The following URI1 variants were observed in gnomAD, a reference collection of about 807,000 sequenced individuals.
URI1 encodes unconventional prefoldin RPB5 interactor 1.
Under a neutral mutation model 60.2 loss-of-function variants are expected in URI1, and 39 were observed. The ratio of observed to expected loss-of-function variants is 0.65; its 90% CI spans 0.50 to 0.85. The LOEUF is 0.85. Among genes scored for constraint, URI1 ranks in the 40% least tolerant of loss-of-function variants. The pLI is 0.00. For missense variants in URI1, 691 were observed against 665.9 expected (o/e 1.04, Z -0.42); for synonymous variants, 251 against 236.8 (o/e 1.06, Z -0.55).
At chr19:29,974,925 T>C (rs2055502174) in intron 2 of URI1, among the ~76,000 whole-genome samples, 1 of 152,216 alleles carries the variant, frequency 6.6e-6, no homozygotes, top group Non-Finnish European at 1.5e-5. Context: ...TTCTTTTTTA[T>C]GGGTGTGTAG....
rs550005338 is a variant in URI1, at chr19:29,983,495, C to T, written c.153-1728C>T. ...CTGTGATGTTTGTCATTTATATTAT[C>T]TGGAGAGTTGTTACCTACATTGCAG... On this transcript the variant is annotated intron_variant, in intron 2 of 10. Transcript: ENST00000392271. 2.0e-5 allele frequency among the ~76,000 whole-genome samples: 3 copies of T among 152,210 alleles called. No individual in the cohort carries two copies. In the South Asian group the frequency reaches 6.2e-4, roughly 32 times the overall value.
intron 4 of URI1, chr19:30,004,169 G>T (rs539087986): frequency 6.6e-6 from 1 of 152,142 alleles, no homozygotes; most frequent in East Asian, 1.9e-4. Context: ...ATGATCTAGA[G>T]CGACATCAGG....
At chr19:29,959,336 C>T (rs2055292316) in intron 1 of URI1, among the ~76,000 whole-genome samples, 1 of 152,120 alleles carries the variant, frequency 6.6e-6, no homozygotes, top group South Asian at 2.1e-4. Flanking sequence ...CTATGTTGCC[C>T]AGGCTGGTCT....
intron 1 of URI1, among the ~76,000 whole-genome samples, chr19:29,953,203 G>T (rs1157658204): frequency 6.6e-6 from 1 of 152,166 alleles, no homozygotes; most frequent in African/African-American, 2.4e-5. Flanking sequence ...ACCACATGTG[G>T]CTATTATACT....
chr19:29,986,916 G>T (rs2055678687), intron 4 of URI1, among the ~76,000 whole-genome samples: 1 of 152,108 alleles, frequency 6.6e-6, no homozygotes, highest in African/African-American at 2.4e-5. Flanking sequence ...GGTGTGAAAA[G>T]GTGCTACCTA....
At chr19:29,934,994 G>A (rs1038391400) in intron 1 of URI1, among the ~76,000 whole-genome samples, 10 of 152,062 alleles carry the variant, frequency 6.6e-5, no homozygotes, top group Non-Finnish European at 1.0e-4. Context: ...AGACAGTTTA[G>A]TCCATTTACA....
chr19:29,936,168 A>C (rs1568403422), intron 1 of URI1, among the ~76,000 whole-genome samples: 1 of 151,018 alleles, frequency 6.6e-6, no homozygotes, highest in Non-Finnish European at 1.5e-5. Context: ...CAGTGGTGCA[A>C]TCTTGGCTCA....
chr19:29,930,899 G>A (rs1015203700), intron 1 of URI1, among the ~76,000 whole-genome samples: 2 of 151,344 alleles, frequency 1.3e-5, no homozygotes, highest in Non-Finnish European at 2.9e-5. Context: ...GTACAGACAG[G>A]GTTTCACCAT....
At chr19:29,923,885 T>C in intron 1 of URI1, 2 of 918,520 alleles carry the variant, frequency 2.2e-6, no homozygotes, top group Non-Finnish European at 3.3e-6. Flanking sequence ...GACATAGCTA[T>C]AGACCTGGAA....
At chr19:29,956,143 C>T (rs1453535079) in intron 1 of URI1, among the ~76,000 whole-genome samples, 1 of 151,686 alleles carries the variant, frequency 6.6e-6, no homozygotes, top group Non-Finnish European at 1.5e-5. Context: ...CGCCACCACA[C>T]CCAGCTAATT....
rs757181575 is a variant in URI1, at chr19:30,014,956, C to CGG, written c.1495_1496insGG (p.His499ArgfsTer52). The stretch of plus-strand genomic sequence containing the variant: ...CTTAACACCACCCCCAGCCATTGCT[C>CGG]ATCCCGCACTACCCACTATTCCAGA... On this transcript the variant is annotated frameshift_variant, in exon 11 of 11. Transcript: ENST00000392271. LOFTEE classifies it high-confidence loss of function. 1 of 1,613,828 alleles carries CGG rather than the reference C, an allele frequency of 6.2e-7. No homozygotes were observed.
intron 4 of URI1, among the ~76,000 whole-genome samples, chr19:30,002,166 C>T (rs2055886718): frequency 6.6e-6 from 1 of 151,964 alleles, no homozygotes; most frequent in African/African-American, 2.4e-5. Flanking sequence ...ACTCCTTTCA[C>T]GAATGATGTT....
chr19:29,963,122 G>A (rs1319060842), intron 1 of URI1, among the ~76,000 whole-genome samples: 1 of 151,942 alleles, frequency 6.6e-6, no homozygotes, highest in Non-Finnish European at 1.5e-5. Context: ...CTCTTGCTTG[G>A]GATTCTTGGA....
chr19:30,000,503 C>T (rs1478656463), intron 4 of URI1, among the ~76,000 whole-genome samples: 1 of 151,820 alleles, frequency 6.6e-6, no homozygotes, highest in East Asian at 1.9e-4. Context: ...TCTTATATTC[C>T]TTATACTCCT....
At chr19:29,935,933 C>T (rs1377761524) in intron 1 of URI1, among the ~76,000 whole-genome samples, 1 of 151,882 alleles carries the variant, frequency 6.6e-6, no homozygotes, top group African/African-American at 2.4e-5. Context: ...ACTACAGGCA[C>T]CCGCCACCAC....
chr19:29,932,598 T>C (rs148545751), intron 1 of URI1, among the ~76,000 whole-genome samples: 2,043 of 150,792 alleles, frequency 0.014, 17 homozygotes, highest in Non-Finnish European at 0.024. Flanking sequence ...ATTACAGGCG[T>C]GAGCCACCGT....
Position 30,009,136 on chromosome 19 carries a change from C to T in URI1, c.818C>T (p.Ala273Val). ...DSHTPCHKDV[A>V]SSEPFSGQVN... Reference sequence around the variant, plus strand: ...CATACTCCTTGTCATAAGGATGTTGCAAGTTCAGAACCATTCAGTGGTCAA... The same window carrying T: ...CATACTCCTTGTCATAAGGATGTTGTAAGTTCAGAACCATTCAGTGGTCAA... The change falls in exon 8 of 11, where the codon GCA (alanine) becomes GTA (valine). Residue 273 changes from alanine (A) to valine (V), a missense_variant. By Grantham distance (64) the Ala-to-Val change is moderately conservative (BLOSUM62 0). Coordinates refer to ENST00000392271, the MANE Select transcript of URI1 (RefSeq NM_003796.3). The T allele has an allele frequency of 3.1e-6, 5 of 1,613,964 alleles. No homozygotes were observed. Among genetic ancestry groups the T allele is most frequent in the Non-Finnish European group, 4.2e-6 (5 of 1,179,988 alleles).
intron 4 of URI1, among the ~76,000 whole-genome samples, chr19:30,000,556 A>T (rs2055865910): frequency 6.6e-6 from 1 of 151,970 alleles, no homozygotes; most frequent in East Asian, 1.9e-4. Flanking sequence ...CTAGGTCTTA[A>T]GTAACTGTTG....
At chr19:29,971,157 T>A in intron 1 of URI1, 36 bp from the exon 2 acceptor site, 1 of 1,609,076 alleles carries the variant, frequency 6.2e-7, no homozygotes, top group Non-Finnish European at 8.5e-7. Flanking sequence ...TGCATAGCTC[T>A]GTTTTTTCAT....
Sources: allele counts gnomAD v4.1 joint callset (sites outside exome capture counted in the v4.1 genomes callset), GRCh38; gene constraint gnomAD v4.1.1; transcripts MANE v1.5; gene names NCBI Gene and HGNC (gene_info 2026-07-23, HGNC 2026-07-21).